Variants in MOB1B observed in about 807,000 individuals in gnomAD.
MOB1B encodes the protein MOB1 Mps One Binder homolog B.
In MOB1B, 19 loss-of-function variants were observed where a neutral mutation model predicts 24.4. The ratio of observed to expected loss-of-function variants is 0.78; its 90% CI spans 0.54 to 1.14. The LOEUF (loss-of-function observed/expected upper bound fraction) is 1.14. Ranked by LOEUF, MOB1B falls within the 50% of genes most tolerant of loss-of-function variation. The pLI is 0.00. For missense variants in MOB1B, 243 were observed against 259.6 expected, an observed-to-expected ratio of 0.94 and a Z score of 0.44; for synonymous variants, 76 against 82.1, an observed-to-expected ratio of 0.93 and a Z score of 0.40.
At chr4:70,918,719 T>G (rs1398955206) in intron 1 of MOB1B, among the ~76,000 whole-genome samples, 1 of 152,128 alleles carries the variant, frequency 6.6e-6, no homozygotes, top group African/African-American at 2.4e-5. Context: ...GTCAATTTTG[T>G]CTTTTGTTGC....
rs751879056 is a variant in MOB1B at position 70,985,047 on chromosome 4, T to C, written c.*2990T>C. On this transcript the variant is annotated 3_prime_UTR_variant, in exon 6 of 6. Transcript: ENST00000309395. ...ATATCTCAGACTGAGTTACTGCCTGTCTTATCAGGATGGATAAAACACTAC... is the reference window on the plus strand; with the variant it reads ...ATATCTCAGACTGAGTTACTGCCTGCCTTATCAGGATGGATAAAACACTAC... The C allele has an allele frequency of 1.3e-5, 2 of 152,306 alleles. No homozygotes were observed. The highest frequency in any genetic ancestry group is 4.8e-5 in the African/African-American group (2 of 41,562). 9.4% of individuals were successfully genotyped at this position (152,306 alleles called of 1,614,324 possible). A position where few individuals can be genotyped will look rare whatever the true frequency, so the allele number is the denominator to read the frequency against.
chr4:70,928,026 C>T (rs965630609), intron 1 of MOB1B, among the ~76,000 whole-genome samples: 4 of 152,132 alleles, frequency 2.6e-5, no homozygotes, highest in East Asian at 1.9e-4. Context: ...TTATTCTTCT[C>T]CTCCCCACCC....
In MOB1B at chr4:70,987,579, CACTT is replaced by C. The variant is rs774851271; in HGVS notation, c.*5527_*5530del. 2 of 152,096 alleles carry C rather than the reference CACTT, an allele frequency of 1.3e-5. No homozygotes were observed. The highest frequency in any genetic ancestry group is 1.5e-5 in the Non-Finnish European group (1 of 68,000). The allele number at this position is 152,096 out of a possible 1,614,324, so 9.4% of individuals were successfully genotyped here. ...GTGAGGGCACTAATCTTGTAGGAAACACTTACTTGATGTTTTATTTGAACTTTTC... is the reference window on the plus strand; with the variant it reads ...GTGAGGGCACTAATCTTGTAGGAAACACTTGATGTTTTATTTGAACTTTTC... On this transcript the variant is annotated 3_prime_UTR_variant, in exon 6 of 6. Coordinates refer to ENST00000309395, the MANE Select transcript of MOB1B (RefSeq NM_173468.4).
chr4:70,972,416 G>A (rs1304955934), intron 3 of MOB1B, among the ~76,000 whole-genome samples: 2 of 152,016 alleles, frequency 1.3e-5, no homozygotes, highest in African/African-American at 4.8e-5. Context: ...GTTTCATCAT[G>A]TTGGCCAGAC....
chr4:70,986,889 A>G lies in MOB1B; in HGVS notation c.*4832A>G, dbSNP rs1739397916. 1 of 152,074 alleles carries G rather than the reference A, an allele frequency of 6.6e-6. No individual in the cohort carries two copies. Among genetic ancestry groups the G allele is most frequent in the Non-Finnish European group, 1.5e-5 (1 of 67,974 alleles). 9.4% of individuals were successfully genotyped at this position (152,074 alleles called of 1,614,324 possible). On this transcript the variant is annotated 3_prime_UTR_variant, in exon 6 of 6. Coordinates refer to ENST00000309395, the MANE Select transcript of MOB1B (RefSeq NM_173468.4). ...GAATAATCCATTTTGAAGGTATAAAACTGCACTGTATGTCTGTCACTTGTA... is the reference window on the plus strand; with the variant it reads ...GAATAATCCATTTTGAAGGTATAAAGCTGCACTGTATGTCTGTCACTTGTA...
intron 1 of MOB1B, among the ~76,000 whole-genome samples, chr4:70,938,408 G>A (rs1044766693): frequency 6.9e-6 from 1 of 145,730 alleles, no homozygotes; most frequent in African/African-American, 2.5e-5. Flanking sequence ...TCTGGTTAGG[G>A]GAATAGGCTA....
At chr4:70,931,996 G>A (rs1167257851) in intron 1 of MOB1B, among the ~76,000 whole-genome samples, 3 of 152,118 alleles carry the variant, frequency 2.0e-5, no homozygotes, top group Non-Finnish European at 2.9e-5. Flanking sequence ...TTCCAAACTA[G>A]TGGGATTGTA....
intron 1 of MOB1B, among the ~76,000 whole-genome samples, chr4:70,929,770 C>T (rs1326217528): frequency 6.6e-6 from 1 of 151,918 alleles, no homozygotes; most frequent in South Asian, 2.1e-4. Context: ...CTCAGCCTCC[C>T]GAGTAGCTGG....
Position 70,959,629 on chromosome 4 carries a change from G to A in MOB1B, c.181+589G>A, listed in dbSNP as rs115481609. ...TTTTTCATGTGTCAAACACTGTATAGACATACCACTCTCCTTTCTACGTGG... is the reference window on the plus strand; with the variant it reads ...TTTTTCATGTGTCAAACACTGTATAAACATACCACTCTCCTTTCTACGTGG... On this transcript the variant is annotated intron_variant, in intron 2 of 5. Transcript: ENST00000309395. Among the ~76,000 whole-genome samples the A allele has an allele frequency of 2.4e-3, 372 of 152,240 alleles. 2 individuals are homozygous for A. Among genetic ancestry groups the A allele is most frequent in the African/African-American group, 8.4e-3 (351 of 41,550 alleles).
chr4:70,928,031 C>G (rs1736723124), intron 1 of MOB1B, among the ~76,000 whole-genome samples: 1 of 152,102 alleles, frequency 6.6e-6, no homozygotes. Flanking sequence ...CTTCTCCTCC[C>G]CACCCCCATT....
chr4:70,908,668 G>A (rs936985768), intron 1 of MOB1B, among the ~76,000 whole-genome samples: 1 of 151,550 alleles, frequency 6.6e-6, no homozygotes, highest in Non-Finnish European at 1.5e-5. Context: ...CCAGCTACTC[G>A]GGAGGCTGAG....
Position 70,981,974 on chromosome 4 carries a change from G to A in MOB1B, c.574-6G>A. 6.3e-7 allele frequency: 1 copy of A among 1,582,052 alleles called. No individual in the cohort carries two copies. Among genetic ancestry groups the A allele is most frequent in the Non-Finnish European group, 8.7e-7 (1 of 1,151,958 alleles). On this transcript the variant is annotated splice_region_variant and splice_polypyrimidine_tract_variant and intron_variant, in intron 5 of 5. Coordinates refer to ENST00000309395, the MANE Select transcript of MOB1B (RefSeq NM_173468.4). ...TTTATTCTGCCTTTCTTTATATCATGCATAGGAATTCAACCTTATTGATAG... is the reference window on the plus strand; with the variant it reads ...TTTATTCTGCCTTTCTTTATATCATACATAGGAATTCAACCTTATTGATAG...
At chr4:70,902,160 T>C (rs1735531795), upstream of MOB1B, among the ~76,000 whole-genome samples, 1 of 152,090 alleles carries the variant, frequency 6.6e-6, no homozygotes, top group Non-Finnish European at 1.5e-5. Context: ...GCGTCGTCCC[T>C]AGCAGCAGAG....
upstream of MOB1B, chr4:70,902,358 C>T (rs1383211433): frequency 1.9e-5 from 13 of 698,064 alleles, no homozygotes; most frequent in Non-Finnish European, 3.1e-5. Flanking sequence ...CTTCCGCCCC[C>T]TCCCCCTGCC....
chr4:70,923,452 C>T (rs13327960), intron 1 of MOB1B, among the ~76,000 whole-genome samples: 4,554 of 152,232 alleles, frequency 0.03, 220 homozygotes, highest in African/African-American at 0.1. Flanking sequence ...AACTGCCCGC[C>T]TCAGACTCCC....
At chr4:70,976,782 C>A (rs112538312) in intron 4 of MOB1B, 23,560 of 221,054 alleles carry the variant, frequency 0.11, 4,270 homozygotes, top group African/African-American at 0.45. Context: ...ATATCTCTCT[C>A]TCTCAATCAT....
Position 70,902,551 on chromosome 4 carries a change from G to A in MOB1B, c.14+1G>A, listed in dbSNP as rs1192676268. ...CCGCGGCCAACATGAGCTTCTTGTTGTGAGTAGCCAGGCCCCGCACGCGCC... is the reference window on the plus strand; with the variant it reads ...CCGCGGCCAACATGAGCTTCTTGTTATGAGTAGCCAGGCCCCGCACGCGCC... On this transcript the variant is annotated splice_donor_variant, in intron 1 of 5. Transcript: ENST00000309395. LOFTEE classifies it high-confidence loss of function. 3 of 1,562,342 alleles carry A rather than the reference G, an allele frequency of 1.9e-6. No individual in the cohort carries two copies. The East Asian group carries it at 7.1e-5, about 37-fold the overall frequency.
chr4:70,961,078 G>A (rs894168067), intron 2 of MOB1B, among the ~76,000 whole-genome samples: 3 of 151,908 alleles, frequency 2.0e-5, no homozygotes, highest in Admixed American at 6.6e-5. Flanking sequence ...TATACACTAC[G>A]TACCTATGAT....
chr4:70,931,070 C>T (rs1295390447), intron 1 of MOB1B, among the ~76,000 whole-genome samples: 2 of 147,382 alleles, frequency 1.4e-5, no homozygotes, highest in African/African-American at 2.5e-5. Context: ...TGACATCACA[C>T]TGATAACCAC....
Sources: allele counts gnomAD v4.1 joint callset (sites outside exome capture counted in the v4.1 genomes callset), GRCh38; gene constraint gnomAD v4.1.1; transcripts MANE v1.5; gene names NCBI Gene and HGNC (gene_info 2026-07-23, HGNC 2026-07-21).